LRP1B: variants seen among roughly 807,000 people sequenced by gnomAD.
The protein encoded by LRP1B is low-density lipoprotein receptor-related protein 1B.
A neutral mutation model predicts 556.6 loss-of-function variants in LRP1B; 217 were observed. The observed-to-expected ratio is 0.39, with a 90% CI of 0.35 to 0.44. The LOEUF is 0.44. Ranked by LOEUF, LRP1B falls within the 20% of genes least tolerant of loss-of-function variation. LRP1B has a pLI of 1.00. For missense variants in LRP1B, 5,053 were observed against 5,620.8 expected (o/e 0.90, Z 3.23); for synonymous variants, 2,047 against 1,865.8 (o/e 1.10, Z -2.50).
chr2:141,373,597 C>CT (rs57350238), intron 3 of LRP1B, among the ~76,000 whole-genome samples: 74,957 of 151,242 alleles, frequency 0.5, 20,522 homozygotes, highest in Non-Finnish European at 0.64. Context: ...ACATAATCAC[C>CT]TTTTTTTTAA....
At chr2:140,615,353 A>G (rs1315714891) in intron 41 of LRP1B, among the ~76,000 whole-genome samples, 1 of 151,984 alleles carries the variant, frequency 6.6e-6, no homozygotes, top group Non-Finnish European at 1.5e-5. Context: ...CTGCCAAACT[A>G]TCTTCAATAA....
intron 1 of LRP1B, among the ~76,000 whole-genome samples, chr2:141,823,504 G>A (rs887493292): frequency 3.3e-5 from 5 of 152,176 alleles, no homozygotes; most frequent in South Asian, 2.1e-4. Context: ...AAGCATCCCC[G>A]AAAAGGTCTT....
At chr2:140,431,544 A>G (rs1482590965) in intron 66 of LRP1B, among the ~76,000 whole-genome samples, 1 of 152,162 alleles carries the variant, frequency 6.6e-6, no homozygotes, top group Non-Finnish European at 1.5e-5. Context: ...CACAGCTGAT[A>G]TATCGTGGTG....
intron 2 of LRP1B, among the ~76,000 whole-genome samples, chr2:141,743,144 G>A (rs1360506411): frequency 6.6e-6 from 1 of 151,778 alleles, no homozygotes; most frequent in African/African-American, 2.4e-5. Flanking sequence ...TTATCATGAA[G>A]GGATGTTGAA....
chr2:141,467,362 T>C (rs947285542), intron 3 of LRP1B, among the ~76,000 whole-genome samples: 49 of 152,042 alleles, frequency 3.2e-4, no homozygotes, highest in African/African-American at 1.2e-3. Flanking sequence ...TACAGGAGTA[T>C]AGAATCTGTT....
chr2:141,333,224 T>C (rs565626619), intron 3 of LRP1B, among the ~76,000 whole-genome samples: 4 of 152,190 alleles, frequency 2.6e-5, no homozygotes, highest in Admixed American at 6.5e-5. Context: ...ATCATGGTAG[T>C]TACTCAATAG....
At chr2:140,819,857 TA>T (rs1024877774) in intron 31 of LRP1B, among the ~76,000 whole-genome samples, 19 of 152,108 alleles carry the variant, frequency 1.2e-4, no homozygotes. Context: ...TGTAAAATGG[TA>T]AAACCACTCT....
chr2:141,233,274 A>C (rs1211539115), intron 5 of LRP1B, among the ~76,000 whole-genome samples: 2 of 152,210 alleles, frequency 1.3e-5, no homozygotes, highest in African/African-American at 4.8e-5. Flanking sequence ...TAGAGAACCA[A>C]GACTTTGGTT....
intron 3 of LRP1B, among the ~76,000 whole-genome samples, chr2:141,360,592 GT>G (rs1415803010): frequency 6.6e-6 from 1 of 152,120 alleles, no homozygotes; most frequent in Non-Finnish European, 1.5e-5. Context: ...TAATGTAAAG[GT>G]GGTGTAACTG....
At chr2:140,554,884 G>GTGTATA (rs56040453) in intron 43 of LRP1B, among the ~76,000 whole-genome samples, 11,964 of 148,442 alleles carry the variant, frequency 0.081, 587 homozygotes, top group East Asian at 0.23. Context: ...GTGTGTGTGT[G>GTGTATA]TATATGTATA....
chr2:140,728,314 T>C (rs1253295076), intron 35 of LRP1B, among the ~76,000 whole-genome samples: 2 of 152,180 alleles, frequency 1.3e-5, no homozygotes, highest in African/African-American at 4.8e-5. Context: ...AGCCCTATTG[T>C]GGCTAATTTT....
intron 1 of LRP1B, among the ~76,000 whole-genome samples, chr2:142,089,665 T>C (rs1285900157): frequency 6.6e-6 from 1 of 152,184 alleles, no homozygotes; most frequent in African/African-American, 2.4e-5. Context: ...ATCATGCATC[T>C]TAAATGCAAT....
chr2:140,420,173 G>C (rs985822442), intron 66 of LRP1B, among the ~76,000 whole-genome samples: 1 of 151,658 alleles, frequency 6.6e-6, no homozygotes, highest in African/African-American at 2.4e-5. Context: ...AAAAAAACTT[G>C]GATGCAGATA....
At chr2:140,404,219 G>A (rs1684633244) in intron 66 of LRP1B, among the ~76,000 whole-genome samples, 1 of 130,484 alleles carries the variant, frequency 7.7e-6, no homozygotes. Flanking sequence ...CTGTCTCCCA[G>A]GCTGGAGTGC....
chr2:141,954,980 A>G (rs1004102293), intron 1 of LRP1B, among the ~76,000 whole-genome samples: 2 of 152,140 alleles, frequency 1.3e-5, no homozygotes, highest in African/African-American at 4.8e-5. Flanking sequence ...CCCATTGCCC[A>G]AATAAAGAAA....
At chr2:141,159,335 C>T (rs1702143260) in intron 7 of LRP1B, among the ~76,000 whole-genome samples, 1 of 151,990 alleles carries the variant, frequency 6.6e-6, no homozygotes, top group African/African-American at 2.4e-5. Flanking sequence ...AGTATATGCT[C>T]ATTAATTGAT....
chr2:141,059,037 A>G lies in LRP1B; in HGVS notation c.1254T>C (p.Gly418=). ...IQGRQVRHLY[G]ITVFEDYLYA... ...ACAAATAATCTTCAAACACAGTTAT[A>G]CCATAAAGATGTCTAACCTATAAAG... Residue 418 remains glycine (G), a synonymous_variant, in exon 9 of 91, where the codon GGT becomes GGC. Coordinates refer to ENST00000389484, the MANE Select transcript of LRP1B (RefSeq NM_018557.3). The G allele has an allele frequency of 6.4e-7, 1 of 1,564,970 alleles. No individual in the cohort carries two copies. The highest frequency in any genetic ancestry group is 8.7e-7 in the Non-Finnish European group (1 of 1,155,190).
At chr2:140,639,229 C>CA (rs1684185783) in intron 41 of LRP1B, among the ~76,000 whole-genome samples, 1 of 152,090 alleles carries the variant, frequency 6.6e-6, no homozygotes, top group South Asian at 2.1e-4. Flanking sequence ...AGTACCACTC[C>CA]AAAAAAATCT....
intron 3 of LRP1B, among the ~76,000 whole-genome samples, chr2:141,414,246 A>AAAAAAAAAGAAAAG (rs1553511548): frequency 0.013 from 1,895 of 147,848 alleles, 29 homozygotes; most frequent in South Asian, 0.021. Flanking sequence ...TCAAAAAAAA[A>AAAAAAAAAGAAAAG]AAAAAAAGAA....
Sources: gnomAD v4.1 joint callset for allele counts (sites outside exome capture counted in the v4.1 genomes callset) on GRCh38, gnomAD v4.1.1 for gene constraint, MANE v1.5 for transcripts, NCBI Gene and HGNC (gene_info 2026-07-23, HGNC 2026-07-21) for gene names.